The following EIF4G3 variants were observed in gnomAD, a reference collection of about 807,000 sequenced individuals.
EIF4G3 encodes the protein eukaryotic translation initiation factor 4 gamma 3, also known as eIF-4-gamma 3.
A neutral mutation model predicts 186.4 loss-of-function variants in EIF4G3; 34 were observed. The ratio of observed to expected loss-of-function variants is 0.18; its 90% CI spans 0.14 to 0.24. The LOEUF is 0.24. EIF4G3 is among the 10% of genes least tolerant of loss of function. EIF4G3 has a pLI of 1.00. For synonymous variants in EIF4G3, 673 were observed against 679.5 expected (o/e 0.99, Z 0.15); for missense variants, 1,536 against 1,948.5 (o/e 0.79, Z 3.99).
intron 2 of EIF4G3, among the ~76,000 whole-genome samples, chr1:21,098,037 T>C (rs2096418327): frequency 6.6e-6 from 1 of 152,102 alleles, no homozygotes; most frequent in Admixed American, 6.6e-5. Flanking sequence ...GTCCAGGAAT[T>C]TGAGACCAGC....
At chr1:20,919,208 T>C (rs535520144) in intron 14 of EIF4G3, among the ~76,000 whole-genome samples, 6 of 152,156 alleles carry the variant, frequency 3.9e-5, no homozygotes, top group Non-Finnish European at 1.5e-5. Flanking sequence ...AAACCCAACA[T>C]TTATTTATTC....
rs1457995714 is a variant in EIF4G3, at chr1:20,868,085, A to ATTTTCTTTTT, written c.2623-2833_2623-2824dup. Reference sequence around the variant, plus strand: ...CCTCTGAGAATAGTGATTCATGGTGATTTTCTTTTTTTTTTTTTTTTGTCC... The same window carrying ATTTTCTTTTT: ...CCTCTGAGAATAGTGATTCATGGTGATTTTCTTTTTTTTTCTTTTTTTTTTTTTTTTGTCC... On this transcript the variant is annotated intron_variant, in intron 20 of 36. Coordinates refer to ENST00000602326, the MANE Select transcript of EIF4G3 (RefSeq NM_001391906.1). Among the ~76,000 whole-genome samples the ATTTTCTTTTT allele has an allele frequency of 5.4e-3, 79 of 14,686 alleles. 2 individuals are homozygous for ATTTTCTTTTT. The highest frequency in any genetic ancestry group is 0.012 in the Non-Finnish European group (61 of 5,090). 9.6% of individuals were successfully genotyped at this position (14,686 alleles called of 152,430 possible). A position where few individuals can be genotyped will look rare whatever the true frequency, so the allele number is the denominator to read the frequency against.
chr1:21,093,475 A>C (rs1314443252), intron 2 of EIF4G3, among the ~76,000 whole-genome samples: 1 of 147,458 alleles, frequency 6.8e-6, no homozygotes, highest in East Asian at 1.9e-4. Flanking sequence ...GGATGTGGAG[A>C]AATAGGAACA....
chr1:21,019,872 G>C (rs904823712), intron 4 of EIF4G3, among the ~76,000 whole-genome samples: 1 of 152,130 alleles, frequency 6.6e-6, no homozygotes, highest in Non-Finnish European at 1.5e-5. Flanking sequence ...AACAGAGCAA[G>C]ACGCCGTCTC....
chr1:21,048,990 C>T (rs971700328), intron 4 of EIF4G3, among the ~76,000 whole-genome samples: 8 of 152,124 alleles, frequency 5.3e-5, no homozygotes, highest in Admixed American at 5.2e-4. Flanking sequence ...ACACAATATA[C>T]GAAGGTTATA....
intron 16 of EIF4G3, 94 bp downstream of exon 16, chr1:20,899,603 C>T: frequency 6.9e-7 from 1 of 1,445,120 alleles, no homozygotes; most frequent in Non-Finnish European, 9.4e-7. Flanking sequence ...AAACCTCTTT[C>T]TTCCATCCAG....
chr1:20,917,087 CCAAAATGTCTAT>C (rs57319759), intron 14 of EIF4G3, among the ~76,000 whole-genome samples: 58,555 of 151,842 alleles, frequency 0.39, 11,556 homozygotes, highest in Non-Finnish European at 0.41. Context: ...CTGGAAACAG[CCAAAATGTCTAT>C]CAATAGGTTA....
At chr1:20,957,644 T>TA (rs1245502018) in intron 12 of EIF4G3, among the ~76,000 whole-genome samples, 6 of 151,324 alleles carry the variant, frequency 4.0e-5, no homozygotes, top group African/African-American at 1.2e-4. Flanking sequence ...AAAAAATAGA[T>TA]AGACTATTCA....
chr1:21,160,589 G>T lies in EIF4G3; in HGVS notation c.-272+15586C>A, dbSNP rs562810991. ...GTAATCATCATCATACTGACATCAT[G>T]AATCTCCTGATATGGGGCAATGAGA... On this transcript the variant is annotated intron_variant, in intron 2 of 36. Coordinates refer to ENST00000602326, the MANE Select transcript of EIF4G3 (RefSeq NM_001391906.1). Among the ~76,000 whole-genome samples, 43 of 152,266 alleles carry T rather than the reference G, an allele frequency of 2.8e-4. No homozygotes were observed. In the South Asian group the frequency reaches 8.9e-3, roughly 32 times the overall value.
rs770529720 is a variant in EIF4G3 at position 20,829,284 on chromosome 1, CAG to C, written c.4062-14_4062-13del. 18 of 1,608,574 alleles carry C rather than the reference CAG, an allele frequency of 1.1e-5. No individual in the cohort carries two copies. The East Asian group carries it at 3.3e-4, about 30-fold the overall frequency. ...AAGTTTCTGAAAAACTGAAAAGGAA[CAG>C]GGGGTAAAAATCACATGCAAATGTA... On this transcript the variant is annotated splice_polypyrimidine_tract_variant and intron_variant, in intron 30 of 36. Coordinates refer to ENST00000602326, the MANE Select transcript of EIF4G3 (RefSeq NM_001391906.1).
At chr1:20,876,222 CAAAAAAAAAAAAAA>C (rs34150070) in intron 20 of EIF4G3, among the ~76,000 whole-genome samples, 2 of 13,978 alleles carry the variant, frequency 1.4e-4, no homozygotes, top group Non-Finnish European at 3.1e-4. Flanking sequence ...GAGCCTGTCT[CAAAAAAAAAAAAAA>C]AAAAAAAAAA....
chr1:20,924,628 C>T (rs56238436), intron 14 of EIF4G3, among the ~76,000 whole-genome samples: 15,466 of 152,228 alleles, frequency 0.1, 1,050 homozygotes, highest in East Asian at 0.28. Flanking sequence ...TGCAGTGGCA[C>T]GATGTCGGCT....
intron 4 of EIF4G3, among the ~76,000 whole-genome samples, chr1:21,023,149 C>G (rs767900684): frequency 1.3e-5 from 2 of 152,058 alleles, no homozygotes; most frequent in South Asian, 2.1e-4. Flanking sequence ...GAAAAAGACA[C>G]GATTCCTATG....
chr1:21,111,592 T>G (rs554575866), intron 2 of EIF4G3: 1 of 271,316 alleles, frequency 3.7e-6, no homozygotes, highest in African/African-American at 2.2e-5. Flanking sequence ...TTAGAAAAGC[T>G]ACAATAAAAT....
intron 18 of EIF4G3, chr1:20,892,615 G>A (rs757702225): frequency 5.6e-4 from 849 of 1,515,870 alleles, no homozygotes; most frequent in Non-Finnish European, 7.0e-4. Flanking sequence ...AGTGTTCAGC[G>A]CACCCCTAGA....
At chr1:20,962,450 T>C (rs1034148471) in intron 12 of EIF4G3, among the ~76,000 whole-genome samples, 1 of 152,200 alleles carries the variant, frequency 6.6e-6, no homozygotes, top group Admixed American at 6.5e-5. Context: ...GTTTATAAAA[T>C]AAATCATCTG....
rs2078038755 is a variant in EIF4G3 at position 20,868,085 on chromosome 1, A to ATTTTCTTTT, written c.2623-2832_2623-2824dup. On this transcript the variant is annotated intron_variant, in intron 20 of 36. Transcript: ENST00000602326. ...CCTCTGAGAATAGTGATTCATGGTG[A>ATTTTCTTTT]TTTTCTTTTTTTTTTTTTTTTGTCC... 3.4e-4 allele frequency among the ~76,000 whole-genome samples: 5 copies of ATTTTCTTTT among 14,686 alleles called. 1 individual carries two copies. Among genetic ancestry groups the ATTTTCTTTT allele is most frequent in the African/African-American group, 7.2e-4 (5 of 6,904 alleles). 9.6% of individuals were successfully genotyped at this position (14,686 alleles called of 152,430 possible). A position where few individuals can be genotyped will look rare whatever the true frequency, so the allele number is the denominator to read the frequency against.
At position 20,844,660 on chromosome 1, in the gene EIF4G3, G is replaced by A. The variant is rs180710492; in HGVS notation, c.3889-3632C>T. On this transcript the variant is annotated intron_variant, in intron 29 of 36. Coordinates refer to ENST00000602326, the MANE Select transcript of EIF4G3 (RefSeq NM_001391906.1). ...AACCTGGCCAACGTGGCGAAACCCC[G>A]TCTCTACTAAAAATACAAAAAATTA... Among the ~76,000 whole-genome samples, 329 of 152,102 alleles carry A rather than the reference G, an allele frequency of 2.2e-3. 5 individuals carry two copies. In the East Asian group the frequency reaches 0.049, roughly 23 times the overall value.
chr1:20,933,122 C>T (rs775311959), intron 14 of EIF4G3, among the ~76,000 whole-genome samples: 1 of 152,134 alleles, frequency 6.6e-6, no homozygotes, highest in Admixed American at 6.6e-5. Flanking sequence ...GTTCATCTTG[C>T]AGGATATTTC....
Sources: allele counts gnomAD v4.1 joint callset (sites outside exome capture counted in the v4.1 genomes callset), GRCh38; gene constraint gnomAD v4.1.1; transcripts MANE v1.5; gene names NCBI Gene and HGNC (gene_info 2026-07-23, HGNC 2026-07-21).